The following NRXN3 variants were observed in gnomAD, a reference collection of about 807,000 sequenced individuals.
NRXN3 encodes the protein neurexin III.
NRXN3 carries 32 observed loss-of-function variants against 137.6 expected under a neutral mutation model. The ratio of observed to expected loss-of-function variants is 0.23; its 90% CI spans 0.18 to 0.31. NRXN3 has a LOEUF of 0.31. NRXN3 is among the 10% of genes least tolerant of loss of function. The pLI is 1.00. For missense variants in NRXN3, 1,574 were observed against 2,062.5 expected, an observed-to-expected ratio of 0.76 and a Z score of 4.59; for synonymous variants, 798 against 784.5, an observed-to-expected ratio of 1.02 and a Z score of -0.29.
At chr14:78,701,966 T>C (rs1014948734) in intron 6 of NRXN3, among the ~76,000 whole-genome samples, 1 of 152,230 alleles carries the variant, frequency 6.6e-6, no homozygotes, top group Non-Finnish European at 1.5e-5. Flanking sequence ...GAGCCCCAGG[T>C]TGGATGTCAG....
At chr14:79,425,251 G>A (rs915385924) in intron 15 of NRXN3, among the ~76,000 whole-genome samples, 13 of 152,202 alleles carry the variant, frequency 8.5e-5, no homozygotes, top group Non-Finnish European at 1.6e-4. Flanking sequence ...GTTGTCAAGA[G>A]CATCCAGAGA....
chr14:78,889,401 G>T (rs903446922), intron 10 of NRXN3, among the ~76,000 whole-genome samples: 1 of 151,832 alleles, frequency 6.6e-6, no homozygotes, highest in East Asian at 1.9e-4. Flanking sequence ...TTTGAGTTTG[G>T]GATCATGACC....
intron 2 of NRXN3, chr14:78,249,973 T>C (rs191758476): frequency 5.2e-6 from 2 of 381,616 alleles, no homozygotes; most frequent in African/African-American, 2.1e-5. Flanking sequence ...TTAGTAACAA[T>C]GATAGCTAAT....
At chr14:79,438,003 G>A (rs933884715) in intron 15 of NRXN3, among the ~76,000 whole-genome samples, 1 of 152,176 alleles carries the variant, frequency 6.6e-6, no homozygotes, top group East Asian at 1.9e-4. Context: ...TGTACCCCCA[G>A]GCCTCAGCGT....
chr14:79,472,721 T>G (rs2096525514), intron 16 of NRXN3, among the ~76,000 whole-genome samples: 1 of 152,156 alleles, frequency 6.6e-6, no homozygotes, highest in African/African-American at 2.4e-5. Context: ...GAGTGACATC[T>G]GCCTATTGAC....
rs257453 is a variant in NRXN3 at position 78,939,011 on chromosome 14, A to G, written c.2276-18231A>G. On this transcript the variant is annotated intron_variant, in intron 10 of 20. Transcript: ENST00000335750. ...CAGGCGCCCGCCACCTCGCCCGGCT[A>G]ATTTTTTGTATTTTTAGTAGAGACG... 6.7e-4 allele frequency among the ~76,000 whole-genome samples: 102 copies of G among 151,288 alleles called. No homozygotes were observed. In the East Asian group the frequency reaches 0.011, roughly 16 times the overall value.
Position 79,367,062 on chromosome 14 carries a change from C to T in NRXN3, c.3263-100159C>T, listed in dbSNP as rs954516402. On this transcript the variant is annotated intron_variant, in intron 15 of 20. Coordinates refer to ENST00000335750, the MANE Select transcript of NRXN3 (RefSeq NM_001330195.2). ...GCAGTGGCGCATTCTTGGCTCACTG[C>T]AAGCTCTGCCTCCTGGGTTCATGCC... Among the ~76,000 whole-genome samples, 32 of 145,674 alleles carry T rather than the reference C, an allele frequency of 2.2e-4. No homozygotes were observed. In the South Asian group the frequency reaches 6.4e-3, roughly 29 times the overall value.
At chr14:79,749,111 T>A (rs1166128262) in intron 19 of NRXN3, among the ~76,000 whole-genome samples, 2 of 152,058 alleles carry the variant, frequency 1.3e-5, no homozygotes, top group East Asian at 1.9e-4. Flanking sequence ...TGCTTGAAAG[T>A]TCTCACCCAG....
chr14:78,736,200 T>G (rs1168140134), intron 8 of NRXN3, among the ~76,000 whole-genome samples: 2 of 152,122 alleles, frequency 1.3e-5, no homozygotes, highest in Non-Finnish European at 2.9e-5. Context: ...GTTCCTTGAG[T>G]TTTCGGTTCC....
intron 15 of NRXN3, among the ~76,000 whole-genome samples, chr14:79,179,577 C>A (rs1013997354): frequency 9.2e-5 from 14 of 152,090 alleles, no homozygotes; most frequent in African/African-American, 3.1e-4. Flanking sequence ...CAAGCCCTCC[C>A]AGATGATTCT....
chr14:78,646,397 T>C (rs936197165), intron 5 of NRXN3, among the ~76,000 whole-genome samples: 10 of 152,242 alleles, frequency 6.6e-5, no homozygotes. Context: ...TTAAACCCAG[T>C]TGGATGGCAT....
At chr14:78,791,531 T>C (rs778882525) in intron 8 of NRXN3, among the ~76,000 whole-genome samples, 1 of 152,170 alleles carries the variant, frequency 6.6e-6, no homozygotes, top group Non-Finnish European at 1.5e-5. Context: ...ATTACTAATA[T>C]CCTTATATAT....
chr14:79,831,294 T>G (rs190069366), intron 20 of NRXN3, among the ~76,000 whole-genome samples: 1 of 152,304 alleles, frequency 6.6e-6, no homozygotes, highest in East Asian at 1.9e-4. Flanking sequence ...TTTAGTCACT[T>G]AAGAGCTAGT....
At chr14:78,373,200 A>G (rs573410362) in intron 4 of NRXN3, among the ~76,000 whole-genome samples, 7 of 152,326 alleles carry the variant, frequency 4.6e-5, no homozygotes, top group African/African-American at 1.7e-4. Flanking sequence ...TACAGTGGAT[A>G]TGTGTGTTTC....
At chr14:78,350,631 T>C (rs1175434216) in intron 4 of NRXN3, among the ~76,000 whole-genome samples, 1 of 152,118 alleles carries the variant, frequency 6.6e-6, no homozygotes, top group African/African-American at 2.4e-5. Context: ...ACAGTTAGAT[T>C]TGCATTTTTT....
chr14:79,751,859 T>C (rs1449301382), intron 19 of NRXN3, among the ~76,000 whole-genome samples: 2 of 152,108 alleles, frequency 1.3e-5, no homozygotes, highest in African/African-American at 2.4e-5. Flanking sequence ...GTTCTGTTTA[T>C]ATGCTGGATT....
At chr14:78,759,197 A>T (rs1028062342) in intron 8 of NRXN3, among the ~76,000 whole-genome samples, 1 of 152,184 alleles carries the variant, frequency 6.6e-6, no homozygotes, top group African/African-American at 2.4e-5. Context: ...GCATTAAAAA[A>T]GCTCACACTC....
chr14:79,358,352 C>T (rs2093504788), intron 15 of NRXN3, among the ~76,000 whole-genome samples: 1 of 151,676 alleles, frequency 6.6e-6, no homozygotes, highest in South Asian at 2.1e-4. Flanking sequence ...GAGCCGATCA[C>T]GCGGTCAGGA....
intron 16 of NRXN3, among the ~76,000 whole-genome samples, chr14:79,508,390 A>ATTTCTGATTTTTTTTTTTTTTT (rs1555494789): frequency 2.1e-5 from 1 of 48,240 alleles, no homozygotes; most frequent in African/African-American, 7.3e-5. Flanking sequence ...ACAATAACTG[A>ATTTCTGATTTTTTTTTTTTTTT]TTTTTTTTTT....
Sources: gnomAD v4.1 joint callset for allele counts (sites outside exome capture counted in the v4.1 genomes callset) on GRCh38, gnomAD v4.1.1 for gene constraint, MANE v1.5 for transcripts, NCBI Gene and HGNC (gene_info 2026-07-23, HGNC 2026-07-21) for gene names.